The following HM13 variants were observed in gnomAD, a reference collection of about 807,000 sequenced individuals.
HM13 encodes histocompatibility minor 13.
HM13 carries 18 observed loss-of-function variants against 50.0 expected under a neutral mutation model. The observed-to-expected ratio is 0.36, with a 90% CI of 0.25 to 0.53. The LOEUF (loss-of-function observed/expected upper bound fraction) is 0.53, where lower values mean the gene tolerates loss of function less well. HM13 is among the 20% of genes least tolerant of loss of function. The pLI is 0.90. For synonymous variants in HM13, 197 were observed against 232.6 expected (o/e 0.85, Z 1.39); for missense variants, 393 against 552.4 (o/e 0.71, Z 2.89).
Position 31,544,949 on chromosome 20 carries a change from C to A in HM13, c.368C>A (p.Pro123His), listed in dbSNP as rs1983629161. 3 of 1,613,864 alleles carry A rather than the reference C, an allele frequency of 1.9e-6. No individual in the cohort carries two copies. The highest frequency in any genetic ancestry group is 2.5e-6 in the Non-Finnish European group (3 of 1,179,844). ...GILALSHTIS[P>H]FMNKFFPASF... ...ACTTGCTTTGTCTTTCCTTCCAGCC[C>A]CTTCATGAATAAGTTTTTTCCAGCC... Residue 123 changes from proline to histidine, a missense_variant and splice_region_variant, in exon 4 of 13, where the codon CCC becomes CAC. Transcript: ENST00000398174.
intron 2 of HM13, among the ~76,000 whole-genome samples, chr20:31,533,454 G>A (rs973861906): frequency 6.6e-6 from 1 of 152,228 alleles, no homozygotes. Flanking sequence ...GTGGTGAGCC[G>A]AGAACATGCC....
At chr20:31,531,012 T>C (rs533191322) in intron 2 of HM13, among the ~76,000 whole-genome samples, 1 of 152,180 alleles carries the variant, frequency 6.6e-6, no homozygotes, top group East Asian at 1.9e-4. Context: ...CACCAAAATT[T>C]TTAGTTTTTT....
intron 2 of HM13, among the ~76,000 whole-genome samples, chr20:31,536,585 G>A (rs893262043): frequency 1.3e-5 from 2 of 152,138 alleles, no homozygotes; most frequent in Non-Finnish European, 2.9e-5. Context: ...GTCTCATGCA[G>A]GCAAATCTAA....
chr20:31,557,140 G>C (rs1364134904), intron 8 of HM13, among the ~76,000 whole-genome samples: 5 of 152,176 alleles, frequency 3.3e-5, no homozygotes, highest in Non-Finnish European at 7.4e-5. Flanking sequence ...GGTTTGACTT[G>C]CCTGAGGCCA....
At chr20:31,548,176 C>T (rs1230405886) in intron 4 of HM13, 1 of 725,018 alleles carries the variant, frequency 1.4e-6, no homozygotes, top group Non-Finnish European at 2.4e-6. Flanking sequence ...TTAACAGATA[C>T]TTTATAGAAA....
chr20:31,568,976 G>A (rs113027646), intron 12 of HM13, 144 bp from the exon 13 acceptor site: 2 of 603,832 alleles, frequency 3.3e-6, no homozygotes, highest in Admixed American at 5.7e-5. Flanking sequence ...GCGCTGTTAG[G>A]TGCTGGGCAG....
chr20:31,521,854 CT>C (rs368753723), intron 1 of HM13, among the ~76,000 whole-genome samples: 4,653 of 120,576 alleles, frequency 0.039, 69 homozygotes, highest in Non-Finnish European at 0.048. Context: ...GTCTCCCATT[CT>C]TTTTTTTTTT....
chr20:31,569,274 C>T lies in HM13; in HGVS notation c.*55C>T, dbSNP rs1462649929. ...AGACCAGACAGATGGGGGCTGGGCC[C>T]ACACAGGCGTGCACCGGTAGAGGGC... On this transcript the variant is annotated 3_prime_UTR_variant, in exon 13 of 13. Transcript: ENST00000398174. 12 of 1,265,664 alleles carry T rather than the reference C, an allele frequency of 9.5e-6. No individual in the cohort carries two copies. The highest frequency in any genetic ancestry group is 1.1e-5 in the Non-Finnish European group (10 of 889,390). The allele number at this position is 1,265,664 out of a possible 1,614,324, so 78.4% of individuals were successfully genotyped here. A position where few individuals can be genotyped will look rare whatever the true frequency, so the allele number is the denominator to read the frequency against.
At chr20:31,545,828 G>C (rs1983682154) in intron 4 of HM13, among the ~76,000 whole-genome samples, 1 of 152,086 alleles carries the variant, frequency 6.6e-6, no homozygotes, top group South Asian at 2.1e-4. Flanking sequence ...CTGAGTAATT[G>C]AGATTACAGG....
intron 3 of HM13, among the ~76,000 whole-genome samples, chr20:31,544,169 A>G (rs1392088056): frequency 6.6e-6 from 1 of 152,246 alleles, no homozygotes; most frequent in Non-Finnish European, 1.5e-5. Flanking sequence ...CACATGGCAG[A>G]GCAGGCCTCA....
chr20:31,534,882 G>A (rs546879713), intron 2 of HM13, among the ~76,000 whole-genome samples: 2 of 152,098 alleles, frequency 1.3e-5, no homozygotes, highest in African/African-American at 2.4e-5. Flanking sequence ...TCAGGAGATC[G>A]AGACCATCCT....
At chr20:31,552,870 T>C (rs1984102816) in intron 7 of HM13, among the ~76,000 whole-genome samples, 1 of 152,244 alleles carries the variant, frequency 6.6e-6, no homozygotes, top group South Asian at 2.1e-4. Context: ...TCAGAATCCC[T>C]GTGCACGCAC....
chr20:31,563,315 C>G (rs1267687983), intron 10 of HM13: 1 of 152,290 alleles, frequency 6.6e-6, no homozygotes, highest in Non-Finnish European at 1.5e-5. Flanking sequence ...GTCCCCTGCT[C>G]TCCAACACAC....
rs1298063953 is a variant in HM13, at chr20:31,514,642, G to A, written c.91G>A (p.Gly31Ser). Residue 31 changes from glycine to serine, a missense_variant, in exon 1 of 13, where the codon GGC becomes AGC. Physicochemically the swap from Gly to Ser is moderately conservative, Grantham distance 56. Coordinates refer to ENST00000398174, the MANE Select transcript of HM13 (RefSeq NM_178581.3). This position sits in a 1 kb window ranked among gnomAD's most constrained non-coding sequence, Gnocchi z 4.3. ...STTRPPSTPE[G>S]IALAYGSLLL... ...TACGCGGCCGCCTTCCACGCCCGAGGGCATCGCGCTGGCCTACGGCAGCCT... is the reference window on the plus strand; with the variant it reads ...TACGCGGCCGCCTTCCACGCCCGAGAGCATCGCGCTGGCCTACGGCAGCCT... 1 of 1,576,434 alleles carries A rather than the reference G, an allele frequency of 6.3e-7. No individual in the cohort carries two copies. The highest frequency in any genetic ancestry group is 1.3e-5 in the African/African-American group (1 of 74,294).
chr20:31,521,876 T>A (rs1018769080), intron 1 of HM13, among the ~76,000 whole-genome samples: 2 of 138,300 alleles, frequency 1.4e-5, no homozygotes, highest in Non-Finnish European at 3.0e-5. Context: ...TTTTTTTTAA[T>A]GGAGGCAGAG....
At chr20:31,568,971 G>T in intron 12 of HM13, 149 bp from the exon 13 acceptor site, 1 of 564,652 alleles carries the variant, frequency 1.8e-6, no homozygotes, top group East Asian at 2.9e-5. Flanking sequence ...GCCAGGCGCT[G>T]TTAGGTGCTG....
intron 10 of HM13, among the ~76,000 whole-genome samples, chr20:31,565,794 T>A (rs1208969466): frequency 6.6e-6 from 1 of 152,146 alleles, no homozygotes; most frequent in Admixed American, 6.5e-5. Flanking sequence ...AACAAGTAGT[T>A]ATTACATAGC....
chr20:31,517,246 G>A (rs1407973438), intron 1 of HM13, among the ~76,000 whole-genome samples: 2 of 152,116 alleles, frequency 1.3e-5, no homozygotes, highest in African/African-American at 4.8e-5. Flanking sequence ...TAACAGGCAG[G>A]GAAAATTGTG....
chr20:31,547,953 G>T, intron 4 of HM13: 1 of 1,455,680 alleles, frequency 6.9e-7, no homozygotes, highest in Non-Finnish European at 9.7e-7. Flanking sequence ...TCATGAAGAT[G>T]TCTGCAGAAG....
Sources: gnomAD v4.1 joint callset for allele counts (sites outside exome capture counted in the v4.1 genomes callset) on GRCh38, gnomAD v4.1.1 for gene constraint, Gnocchi (gnomAD v3.1) non-coding constraint, MANE v1.5 for transcripts, NCBI Gene and HGNC (gene_info 2026-07-23, HGNC 2026-07-21) for gene names.